The following SUPT3H variants were observed in gnomAD, a reference collection of about 807,000 sequenced individuals.
The protein encoded by SUPT3H is transcription initiation protein SPT3 homolog.
Under a neutral mutation model 44.3 loss-of-function variants are expected in SUPT3H, and 44 were observed. The observed-to-expected ratio is 0.99, with a 90% CI of 0.78 to 1.28. SUPT3H has a LOEUF of 1.28. Among genes scored for constraint, SUPT3H ranks in the 50% most tolerant of loss-of-function variants. SUPT3H has a pLI of 0.00. For synonymous variants in SUPT3H, 124 were observed against 125.6 expected, an observed-to-expected ratio of 0.99 and a Z score of 0.09; for missense variants, 380 against 387.1, an observed-to-expected ratio of 0.98 and a Z score of 0.15.
intron 10 of SUPT3H, among the ~76,000 whole-genome samples, chr6:44,843,475 T>A: frequency 6.6e-6 from 1 of 152,126 alleles, no homozygotes; most frequent in African/African-American, 2.4e-5. Context: ...AATAATACAA[T>A]TGTTTACATA....
intron 10 of SUPT3H, among the ~76,000 whole-genome samples, chr6:44,928,426 G>T (rs1582551475): frequency 6.6e-6 from 1 of 152,128 alleles, no homozygotes; most frequent in Non-Finnish European, 1.5e-5. Flanking sequence ...GGGCACAGTT[G>T]CAAAAGTGTG....
intron 2 of SUPT3H, among the ~76,000 whole-genome samples, chr6:45,306,838 A>G (rs1745935082): frequency 6.6e-6 from 1 of 152,228 alleles, no homozygotes; most frequent in East Asian, 1.9e-4. Context: ...AGGGCGAGGC[A>G]TCGCCTCACC....
chr6:45,333,232 C>T (rs961116671), intron 2 of SUPT3H, among the ~76,000 whole-genome samples: 4 of 151,428 alleles, frequency 2.6e-5, no homozygotes, highest in African/African-American at 7.3e-5. Flanking sequence ...TAATGTGTTA[C>T]GATTCAAAAA....
At chr6:44,850,467 C>T (rs1036475447) in intron 10 of SUPT3H, among the ~76,000 whole-genome samples, 6 of 152,110 alleles carry the variant, frequency 3.9e-5, no homozygotes, top group Non-Finnish European at 7.3e-5. Context: ...CAATAAGAAG[C>T]TGCCACAGAA....
chr6:44,959,394 A>G (rs1464634050), intron 7 of SUPT3H, among the ~76,000 whole-genome samples: 2 of 152,190 alleles, frequency 1.3e-5, no homozygotes, highest in Non-Finnish European at 2.9e-5. Context: ...AAGACAGCAT[A>G]TACAATATCA....
At chr6:45,022,628 G>C (rs1160105517) in intron 3 of SUPT3H, among the ~76,000 whole-genome samples, 1 of 151,922 alleles carries the variant, frequency 6.6e-6, no homozygotes, top group East Asian at 1.9e-4. Context: ...TGCCTAGTTA[G>C]TATGTCTCTG....
At chr6:45,011,675 ACTAT>A (rs1410584823) in intron 5 of SUPT3H, among the ~76,000 whole-genome samples, 2 of 152,118 alleles carry the variant, frequency 1.3e-5, no homozygotes, top group African/African-American at 4.8e-5. Flanking sequence ...ATACAATTAT[ACTAT>A]CTCTTATATT....
chr6:44,876,862 A>T (rs1777386263), intron 10 of SUPT3H, among the ~76,000 whole-genome samples: 1 of 151,252 alleles, frequency 6.6e-6, no homozygotes. Context: ...AAAAAGAAAA[A>T]AAAAGTGTAT....
At position 44,986,887 on chromosome 6, in the gene SUPT3H, T is replaced by C. The variant is rs72867411; in HGVS notation, c.504+16766A>G. Among the ~76,000 whole-genome samples the C allele has an allele frequency of 6.6e-3, 1,009 of 152,042 alleles. 4 individuals carry two copies. Among genetic ancestry groups the C allele is most frequent in the South Asian group, 0.022 (106 of 4,808 alleles). The stretch of plus-strand genomic sequence containing the variant: ...GATCACGGATGATAAGTGCCATGAA[T>C]AATATAGTAGAGTAAGGATTTAGAA... On this transcript the variant is annotated intron_variant, in intron 6 of 10. Transcript: ENST00000371459.
chr6:45,175,118 T>C (rs1359499714), intron 2 of SUPT3H, among the ~76,000 whole-genome samples: 1 of 151,342 alleles, frequency 6.6e-6, no homozygotes, highest in East Asian at 2.0e-4. Context: ...TAGAACTTCC[T>C]ACTATATCAC....
intron 2 of SUPT3H, among the ~76,000 whole-genome samples, chr6:45,239,163 A>ATTGAAAGTGCTTT (rs1769803522): frequency 2.0e-5 from 3 of 152,182 alleles, no homozygotes; most frequent in African/African-American, 4.8e-5. Context: ...TTTATTCTAC[A>ATTGAAAGTGCTTT]CAATTAATTG....
chr6:44,982,699 A>T (rs1779270384), intron 6 of SUPT3H, among the ~76,000 whole-genome samples: 1 of 152,232 alleles, frequency 6.6e-6, no homozygotes, highest in Non-Finnish European at 1.5e-5. Flanking sequence ...CTTGCACAGA[A>T]GAATTTTTTG....
At chr6:45,322,276 T>C (rs1785629281) in intron 2 of SUPT3H, among the ~76,000 whole-genome samples, 1 of 151,850 alleles carries the variant, frequency 6.6e-6, no homozygotes. Flanking sequence ...GAAACAGACT[T>C]CTTCAGGAAT....
intron 6 of SUPT3H, among the ~76,000 whole-genome samples, chr6:44,968,701 A>T (rs150003205): frequency 1.1e-4 from 17 of 152,254 alleles, no homozygotes; most frequent in African/African-American, 4.1e-4. Flanking sequence ...AGTATTTTAA[A>T]TAAAAACATG....
chr6:45,326,183 A>C (rs898707668), intron 2 of SUPT3H, among the ~76,000 whole-genome samples: 1 of 151,886 alleles, frequency 6.6e-6, no homozygotes, highest in Non-Finnish European at 1.5e-5. Flanking sequence ...AGAAAATAGC[A>C]AAATGTTGGG....
At chr6:44,877,541 T>C (rs1777513969) in intron 10 of SUPT3H, among the ~76,000 whole-genome samples, 1 of 152,152 alleles carries the variant, frequency 6.6e-6, no homozygotes, top group South Asian at 2.1e-4. Flanking sequence ...AAGCAGATTA[T>C]TTCCACATTT....
intron 3 of SUPT3H, among the ~76,000 whole-genome samples, chr6:45,021,694 A>G (rs760178520): frequency 4.6e-5 from 7 of 152,028 alleles, no homozygotes; most frequent in Non-Finnish European, 1.0e-4. Flanking sequence ...TTATCTCAAC[A>G]AATATATGAA....
chr6:45,209,123 T>C (rs1047547188), intron 2 of SUPT3H, among the ~76,000 whole-genome samples: 3 of 152,202 alleles, frequency 2.0e-5, no homozygotes, highest in African/African-American at 4.8e-5. Flanking sequence ...CAAAATATTA[T>C]TGCTCATTGA....
At chr6:45,221,291 A>G (rs1184248428) in intron 2 of SUPT3H, among the ~76,000 whole-genome samples, 2 of 152,320 alleles carry the variant, frequency 1.3e-5, no homozygotes, top group East Asian at 3.9e-4. Context: ...TAATGGGTGC[A>G]GCAAACCAAC....
Sources: gnomAD v4.1 joint callset for allele counts (sites outside exome capture counted in the v4.1 genomes callset) on GRCh38, gnomAD v4.1.1 for gene constraint, MANE v1.5 for transcripts, NCBI Gene and HGNC (gene_info 2026-07-23, HGNC 2026-07-21) for gene names.